Variants in C1QTNF8 observed in about 807,000 individuals in gnomAD.
The protein encoded by C1QTNF8 is complement C1q tumor necrosis factor-related protein 8.
C1QTNF8 carries 27 observed loss-of-function variants against 19.2 expected under a neutral mutation model. The ratio of observed to expected loss-of-function variants is 1.41; its 90% CI spans 1.04 to 1.94. C1QTNF8 has a LOEUF of 1.94. Ranked by LOEUF, C1QTNF8 falls within the 30% of genes most tolerant of loss-of-function variation. The pLI is 0.00. For missense variants in C1QTNF8, 484 were observed against 374.4 expected (o/e 1.29, Z -2.42); for synonymous variants, 208 against 172.8 (o/e 1.20, Z -1.60).
chr16:1,089,096 G>A lies in C1QTNF8; in HGVS notation c.*1503C>T, dbSNP rs1251271886. ...GAGACCCCAGGGCAGCCGGGCCAGG[G>A]CCAGGGCCAGGGAAAGGAACGGTTG... On this transcript the variant is annotated 3_prime_UTR_variant, in exon 5 of 5. Coordinates refer to ENST00000328449, the MANE Select transcript of C1QTNF8 (RefSeq NM_207419.3). 6.6e-6 allele frequency among the ~76,000 whole-genome samples: 1 copy of A among 152,172 alleles called. No homozygotes were observed. Among genetic ancestry groups the A allele is most frequent in the Admixed American group, 6.5e-5 (1 of 15,286 alleles).
chr16:1,089,263 A>G lies in C1QTNF8; in HGVS notation c.*1336T>C, dbSNP rs1285441811. ...TCTCACCGGGGCCAAGAACCTCTGC[A>G]TGGCCAGCCGGGACCCCCACCCCCA... On this transcript the variant is annotated 3_prime_UTR_variant, in exon 5 of 5. Transcript: ENST00000328449. Among the ~76,000 whole-genome samples, 2 of 152,052 alleles carry G rather than the reference A, an allele frequency of 1.3e-5. No individual in the cohort carries two copies. Among genetic ancestry groups the G allele is most frequent in the African/African-American group, 2.4e-5 (1 of 41,398 alleles).
intron 4 of C1QTNF8, among the ~76,000 whole-genome samples, chr16:1,091,915 G>C (rs1567391953): frequency 6.6e-6 from 1 of 151,276 alleles, no homozygotes; most frequent in Non-Finnish European, 1.5e-5. Flanking sequence ...CACCCTTTTG[G>C]CCTCCCCTGG....
At position 1,089,757 on chromosome 16, in the gene C1QTNF8, G is replaced by A. The variant is rs1295985247; in HGVS notation, c.*842C>T. On this transcript the variant is annotated 3_prime_UTR_variant, in exon 5 of 5. Coordinates refer to ENST00000328449, the MANE Select transcript of C1QTNF8 (RefSeq NM_207419.3). The stretch of plus-strand genomic sequence containing the variant: ...GCGCCACCGGCCGTCAGCACACGGG[G>A]TAGGGCTGGGGGTGTCCCGGTCGGG... Among the ~76,000 whole-genome samples, 2 of 152,226 alleles carry A rather than the reference G, an allele frequency of 1.3e-5. No individual in the cohort carries two copies. Among genetic ancestry groups the A allele is most frequent in the East Asian group, 1.9e-4 (1 of 5,160 alleles).
chr16:1,091,095 G>A (rs1380413657), intron 4 of C1QTNF8, among the ~76,000 whole-genome samples: 6 of 152,168 alleles, frequency 3.9e-5, no homozygotes, highest in Non-Finnish European at 8.8e-5. Flanking sequence ...CCCTAAAGAG[G>A]GGGATGGGCG....
chr16:1,091,921 C>A (rs1261641920), intron 4 of C1QTNF8, among the ~76,000 whole-genome samples: 2 of 151,492 alleles, frequency 1.3e-5, no homozygotes, highest in Non-Finnish European at 2.9e-5. Flanking sequence ...TTTGGCCTCC[C>A]CTGGGTCCAT....
chr16:1,093,033 C>G (rs12924229), intron 4 of C1QTNF8, among the ~76,000 whole-genome samples: 9,715 of 42,448 alleles, frequency 0.23, 25 homozygotes, highest in African/African-American at 0.27. Flanking sequence ...CAACCAATCC[C>G]TGCACACAGT....
chr16:1,091,402 G>C (rs1371503192), intron 4 of C1QTNF8, among the ~76,000 whole-genome samples: 2 of 152,168 alleles, frequency 1.3e-5, no homozygotes, highest in Non-Finnish European at 2.9e-5. Context: ...GGGAGGCTGG[G>C]CCGGAGGGGC....
At position 1,090,539 on chromosome 16, in the gene C1QTNF8, T is replaced by C. The variant is rs934009043; in HGVS notation, c.*60A>G. 6.6e-6 allele frequency: 1 copy of C among 152,152 alleles called. No homozygotes were observed. The highest frequency in any genetic ancestry group is 2.4e-5 in the African/African-American group (1 of 41,372). The allele number at this position is 152,152 out of a possible 1,614,324, so 9.4% of individuals were successfully genotyped here. A position where few individuals can be genotyped will look rare whatever the true frequency, so the allele number is the denominator to read the frequency against. ...GTCCCAGGACAGGAGTGAGGCGAAG[T>C]GGAGAGGCGGGCGCGCCAGCCGGGG... is the stretch of plus-strand genomic sequence containing the variant. On this transcript the variant is annotated 3_prime_UTR_variant, in exon 5 of 5. Coordinates refer to ENST00000328449, the MANE Select transcript of C1QTNF8 (RefSeq NM_207419.3).
intron 3 of C1QTNF8, among the ~76,000 whole-genome samples, chr16:1,094,303 C>T (rs190871113): frequency 6.6e-6 from 1 of 152,292 alleles, no homozygotes; most frequent in Non-Finnish European, 1.5e-5. Flanking sequence ...TGGTCAGGGC[C>T]AGCTACGGTC....
Position 1,093,888 on chromosome 16 carries a change from G to C in C1QTNF8, c.372C>G (p.Arg124=), listed in dbSNP as rs1375208174. The C allele has an allele frequency of 6.4e-7, 1 of 1,570,056 alleles. No homozygotes were observed. The highest frequency in any genetic ancestry group is 8.6e-7 in the Non-Finnish European group (1 of 1,166,432). ...RAYAAFSVGR[R]EGLHSSDHFQ... ...AGTGGTCGGAGCTGTGCAGGCCCTC[G>C]CGCCGGCCCACGGAGAAGGCGGCGT... Residue 124 remains arginine, a synonymous_variant, in exon 4 of 5, where the codon CGC becomes CGG. Transcript: ENST00000328449.
In C1QTNF8 at chr16:1,091,817, A is replaced by T. The variant is rs987021495; in HGVS notation, c.*5-1223T>A. Among the ~76,000 whole-genome samples the T allele has an allele frequency of 2.5e-4, 37 of 150,392 alleles. 1 individual carries two copies. The highest frequency in any genetic ancestry group is 8.7e-4 in the African/African-American group (35 of 40,182). Reference sequence around the variant, plus strand: ...CTCAGCCGCGTGTTTCCTGCCAAGGACAAGCCACCACTAGAGCAGCCCCAC... The same window carrying T: ...CTCAGCCGCGTGTTTCCTGCCAAGGTCAAGCCACCACTAGAGCAGCCCCAC... On this transcript the variant is annotated intron_variant, in intron 4 of 4. Transcript: ENST00000328449.
chr16:1,093,796 C>G lies in C1QTNF8; in HGVS notation c.464G>C (p.Arg155Pro), dbSNP rs565892702. The stretch of plus-strand genomic sequence containing the variant: ...GACGCCGGGCACCGTGCAGAGGAAG[C>G]GGCCCGCGGCCAGGTCGAAGGCGCC... The part of the protein sequence containing the change: ...LDGAFDLAAG[R>P]FLCTVPGVYF... Residue 155 changes from arginine (R) to proline (P), a missense_variant, in exon 4 of 5, where the codon CGC (arginine) becomes CCC (proline). By Grantham distance (103) the Arg-to-Pro change is moderately radical. Coordinates refer to ENST00000328449, the MANE Select transcript of C1QTNF8 (RefSeq NM_207419.3). The G allele has an allele frequency of 1.9e-6, 3 of 1,611,346 alleles. No homozygotes were observed. The highest frequency in any genetic ancestry group is 1.3e-5 in the African/African-American group (1 of 75,024).
chr16:1,091,276 G>T (rs540808020), intron 4 of C1QTNF8, among the ~76,000 whole-genome samples: 3 of 152,240 alleles, frequency 2.0e-5, no homozygotes, highest in African/African-American at 7.2e-5. Flanking sequence ...ATGCTTTATG[G>T]AAGGCCTTGT....
At position 1,093,644 on chromosome 16, in the gene C1QTNF8, T is replaced by TCTGGGCCTGCATGACGCTGCGCTCG. The variant is rs747647292; in HGVS notation, c.591_615dup (p.Ser206ArgfsTer177). 9.1e-5 allele frequency: 146 copies of TCTGGGCCTGCATGACGCTGCGCTCG among 1,610,822 alleles called. No homozygotes were observed. The highest frequency in any genetic ancestry group is 5.5e-5 in the Non-Finnish European group (65 of 1,179,076). ...CCCGCCGCCAGCAGCAGCATCAGGC[T>TCTGGGCCTGCATGACGCTGCGCTCG]CTGGGCCTGCATGACGCTGCGCTCG... On this transcript the variant is annotated frameshift_variant, in exon 4 of 5. Transcript: ENST00000328449. LOFTEE classifies it high-confidence loss of function.
Position 1,088,774 on chromosome 16 carries a change from C to T in C1QTNF8, c.*1825G>A, listed in dbSNP as rs542183700. ...GCTTCCAAGAGACCTTGCACCCCTG[C>T]CCGCCTGACCCCTGCTGCAGCCCGA... On this transcript the variant is annotated 3_prime_UTR_variant, in exon 5 of 5. Transcript: ENST00000328449. Among the ~76,000 whole-genome samples the T allele has an allele frequency of 2.0e-5, 3 of 152,234 alleles. No homozygotes were observed. Among genetic ancestry groups the T allele is most frequent in the South Asian group, 2.1e-4 (1 of 4,826 alleles).
At chr16:1,091,237 T>A (rs1960537420) in intron 4 of C1QTNF8, among the ~76,000 whole-genome samples, 1 of 152,142 alleles carries the variant, frequency 6.6e-6, no homozygotes, top group Non-Finnish European at 1.5e-5. Flanking sequence ...TGGGTGCACC[T>A]GTGGGGGCTC....
At position 1,088,272 on chromosome 16, in the gene C1QTNF8, G is replaced by T. The variant is rs1043115010; in HGVS notation, c.*2327C>A. On this transcript the variant is annotated 3_prime_UTR_variant, in exon 5 of 5. Coordinates refer to ENST00000328449, the MANE Select transcript of C1QTNF8 (RefSeq NM_207419.3). ...ACTGGAATTCCACTAAACGGATAAA[G>T]TTACATGGGATAAGCTGCCTCCCCA... Among the ~76,000 whole-genome samples, 2 of 152,256 alleles carry T rather than the reference G, an allele frequency of 1.3e-5. No individual in the cohort carries two copies. Among genetic ancestry groups the T allele is most frequent in the African/African-American group, 4.8e-5 (2 of 41,468 alleles).
At chr16:1,094,145 A>G in intron 3 of C1QTNF8, 94 bp from the exon 4 acceptor site, 1 of 1,009,532 alleles carries the variant, frequency 9.9e-7, no homozygotes, top group Non-Finnish European at 1.3e-6. Flanking sequence ...CTCAAGGGTC[A>G]CTGTAAGGAC....
At chr16:1,092,388 CCTGCACACAGTCGGCGCTCAATCAATCA>C (rs1567392198) in intron 4 of C1QTNF8, among the ~76,000 whole-genome samples, 6 of 143,626 alleles carry the variant, frequency 4.2e-5, no homozygotes, top group African/African-American at 1.6e-4. Flanking sequence ...ACAACCAATC[CCTGCACACAGTCGGCGCTCAATCAATCA>C]CTGCACACAG....
Sources: allele counts gnomAD v4.1 joint callset (sites outside exome capture counted in the v4.1 genomes callset), GRCh38; gene constraint gnomAD v4.1.1; transcripts MANE v1.5; gene names NCBI Gene and HGNC (gene_info 2026-07-23, HGNC 2026-07-21).